Variants in FAM184A observed in about 807,000 individuals in gnomAD.
The protein encoded by FAM184A is protein FAM184A.
In FAM184A, 99 loss-of-function variants were observed where a neutral mutation model predicts 143.8. The observed-to-expected ratio is 0.69, with a 90% CI of 0.58 to 0.81. The LOEUF is 0.81. Among genes scored for constraint, FAM184A ranks in the 40% least tolerant of loss-of-function variants. The pLI is 0.00. For missense variants in FAM184A, 1,217 were observed against 1,310.5 expected, an observed-to-expected ratio of 0.93 and a Z score of 1.10; for synonymous variants, 427 against 446.4, an observed-to-expected ratio of 0.96 and a Z score of 0.55.
Position 119,022,948 on chromosome 6 carries a change from C to G in FAM184A, c.1147G>C (p.Ala383Pro). ...QQQASDLVLK[A>P]SHIGMLQATQ... ...CAAAAACTGTGGTCACACATACTAG[C>G]TTTGAGGACAAGATCTGAAGCTTGC... The change falls in exon 3 of 18, where the codon GCT becomes CCT. Residue 383 changes from alanine to proline, a missense_variant. Transcript: ENST00000338891. The G allele has an allele frequency of 6.2e-7, 1 of 1,614,092 alleles. No homozygotes were observed. The highest frequency in any genetic ancestry group is 8.5e-7 in the Non-Finnish European group (1 of 1,179,998).
intron 1 of FAM184A, among the ~76,000 whole-genome samples, chr6:119,086,404 C>T (rs1213500984): frequency 2.0e-5 from 3 of 152,080 alleles, no homozygotes; most frequent in East Asian, 1.9e-4. Flanking sequence ...CCAAAAGAGT[C>T]GCTTAACCTA....
intron 1 of FAM184A, among the ~76,000 whole-genome samples, chr6:119,066,875 C>T (rs1020999888): frequency 8.5e-5 from 13 of 152,064 alleles, no homozygotes; most frequent in Admixed American, 2.0e-4. Flanking sequence ...GCTATAGCCT[C>T]GAACTGTATA....
chr6:119,067,168 C>A (rs947538126), intron 1 of FAM184A, among the ~76,000 whole-genome samples: 2 of 152,130 alleles, frequency 1.3e-5, no homozygotes, highest in African/African-American at 4.8e-5. Context: ...GAATTTATCC[C>A]ATGCTTATGA....
intron 1 of FAM184A, among the ~76,000 whole-genome samples, chr6:119,143,351 G>A (rs1264942596): frequency 6.6e-6 from 1 of 152,198 alleles, no homozygotes; most frequent in Non-Finnish European, 1.5e-5. Flanking sequence ...TTTATGAGAT[G>A]CAGAGAAGCC....
At chr6:118,984,185 ATATATT>A (rs1480201652) in intron 9 of FAM184A, among the ~76,000 whole-genome samples, 42 of 142,720 alleles carry the variant, frequency 2.9e-4, no homozygotes, top group Admixed American at 1.7e-3. Context: ...ATATTTATAT[ATATATT>A]TATATTTATA....
intron 1 of FAM184A, among the ~76,000 whole-genome samples, chr6:119,148,671 T>G (rs918299729): frequency 6.6e-6 from 1 of 152,328 alleles, no homozygotes; most frequent in African/African-American, 2.4e-5. Flanking sequence ...TCAGTCATCC[T>G]GCCAGGCTTA....
chr6:119,094,308 G>C (rs1256470060), intron 1 of FAM184A, among the ~76,000 whole-genome samples: 1 of 152,126 alleles, frequency 6.6e-6, no homozygotes, highest in Non-Finnish European at 1.5e-5. Context: ...AGAATGTCTT[G>C]ACCTGATAGT....
intron 1 of FAM184A, among the ~76,000 whole-genome samples, chr6:119,033,817 C>T (rs1785984977): frequency 6.7e-6 from 1 of 150,176 alleles, no homozygotes; most frequent in South Asian, 2.1e-4. Flanking sequence ...CATGGCAAAA[C>T]CCCATCTCTA....
chr6:119,071,799 C>T (rs1787692837), intron 1 of FAM184A, among the ~76,000 whole-genome samples: 1 of 150,854 alleles, frequency 6.6e-6, no homozygotes, highest in South Asian at 2.1e-4. Context: ...GCCCTCACAC[C>T]TTCTATACTT....
At chr6:119,092,153 T>G (rs1271554111) in intron 1 of FAM184A, among the ~76,000 whole-genome samples, 1 of 152,208 alleles carries the variant, frequency 6.6e-6, no homozygotes, top group East Asian at 1.9e-4. Flanking sequence ...CTTATTTACT[T>G]GGGGGACAGG....
At chr6:119,110,967 T>G (rs1471116151) in intron 1 of FAM184A, among the ~76,000 whole-genome samples, 2 of 147,456 alleles carry the variant, frequency 1.4e-5, no homozygotes, top group Non-Finnish European at 3.0e-5. Context: ...GGTCACCACC[T>G]GTAACTGAAG....
intron 3 of FAM184A, among the ~76,000 whole-genome samples, chr6:119,022,111 T>TGCACTG (rs530961515): frequency 1.9e-3 from 273 of 141,734 alleles, no homozygotes; most frequent in Admixed American, 5.3e-3. Flanking sequence ...CAGGCTGAAG[T>TGCACTG]GCACTGGCGC....
chr6:119,100,432 G>A (rs567829053), intron 1 of FAM184A, among the ~76,000 whole-genome samples: 1 of 152,196 alleles, frequency 6.6e-6, no homozygotes, highest in South Asian at 2.1e-4. Context: ...CCCATTACTG[G>A]TTGAAGTTTG....
chr6:119,067,443 G>A (rs527392119), intron 1 of FAM184A, among the ~76,000 whole-genome samples: 1 of 152,216 alleles, frequency 6.6e-6, no homozygotes, highest in South Asian at 2.1e-4. Context: ...CTTTACTCAT[G>A]GACTCCCTAT....
chr6:119,049,312 G>C (rs967781706), intron 1 of FAM184A, among the ~76,000 whole-genome samples: 1 of 152,208 alleles, frequency 6.6e-6, no homozygotes, highest in Admixed American at 6.5e-5. Flanking sequence ...CCCGGGCGTG[G>C]TGGCGGGCAC....
intron 1 of FAM184A, among the ~76,000 whole-genome samples, chr6:119,039,496 T>C (rs1786237957): frequency 1.3e-5 from 2 of 152,192 alleles, no homozygotes; most frequent in Non-Finnish European, 2.9e-5. Context: ...CTTAAATGCA[T>C]ATTGTTAAGT....
At chr6:118,969,032 G>A (rs1749881688) in intron 14 of FAM184A, among the ~76,000 whole-genome samples, 1 of 152,172 alleles carries the variant, frequency 6.6e-6, no homozygotes, top group South Asian at 2.1e-4. Context: ...GGAAGTAATT[G>A]AATCATGGGG....
intron 2 of FAM184A, 116 bp from the exon 3 acceptor site, chr6:119,023,196 C>A: frequency 2.8e-6 from 3 of 1,059,482 alleles, no homozygotes; most frequent in Non-Finnish European, 2.7e-6. Context: ...AACTATATAC[C>A]AATTTTTAAA....
intron 17 of FAM184A, among the ~76,000 whole-genome samples, chr6:118,961,361 CAAGA>C (rs199851430): frequency 4.4e-4 from 65 of 147,408 alleles, no homozygotes; most frequent in Middle Eastern, 4.5e-3. Context: ...TCTTGGTAAA[CAAGA>C]AAGGGAAAAA....
Sources: gnomAD v4.1 joint callset for allele counts (sites outside exome capture counted in the v4.1 genomes callset) on GRCh38, gnomAD v4.1.1 for gene constraint, MANE v1.5 for transcripts, NCBI Gene and HGNC (gene_info 2026-07-23, HGNC 2026-07-21) for gene names.